NR2F6: variants seen among roughly 807,000 people sequenced by gnomAD.
The protein encoded by NR2F6 is nuclear receptor subfamily 2 group F member 6.
In NR2F6, 16 loss-of-function variants were observed where a neutral mutation model predicts 26.5. The ratio of observed to expected loss-of-function variants is 0.60; its 90% CI spans 0.41 to 0.92. NR2F6 has a LOEUF of 0.92. Ranked by LOEUF, NR2F6 falls within the 40% of genes least tolerant of loss-of-function variation. NR2F6 has a pLI of 0.00. For synonymous variants in NR2F6, 325 were observed against 305.0 expected, an observed-to-expected ratio of 1.07 and a Z score of -0.68; for missense variants, 536 against 631.7, an observed-to-expected ratio of 0.85 and a Z score of 1.62.
In NR2F6 at chr19:17,235,923, C is replaced by A; in HGVS notation, c.516G>T (p.Gln172His). The change falls in exon 3 of 4, where the codon CAG becomes CAT. Residue 172 changes from glutamine to histidine, a missense_variant. Transcript: ENST00000291442. This position sits in a 1 kb window ranked among gnomAD's most constrained non-coding sequence, Gnocchi z 5.0. ...CAGGGTAGGGCTCAGCGCGCAGCAG[C>A]TGCGCGATCAGTTCGGACACCGGCT... is the stretch of plus-strand genomic sequence containing the variant. ...PGQPVSELIA[Q>H]LLRAEPYPAA... is the part of the protein sequence containing the mutation. 1 of 1,480,576 alleles carries A rather than the reference C, an allele frequency of 6.8e-7. No individual in the cohort carries two copies. Among genetic ancestry groups the A allele is most frequent in the Admixed American group, 2.3e-5 (1 of 44,030 alleles). The allele number at this position is 1,480,576 out of a possible 1,614,324, so 91.7% of individuals were successfully genotyped here.
intron 1 of NR2F6, among the ~76,000 whole-genome samples, chr19:17,244,077 C>T (rs2073483059): frequency 6.6e-6 from 1 of 152,324 alleles, no homozygotes; most frequent in East Asian, 1.9e-4. Flanking sequence ...CCCTGGGGAC[C>T]TTCCGCCAGA....
rs2073467766 is a variant in NR2F6, at chr19:17,241,285, C to G, written c.279-520G>C. ...TCTGTGGGGTCATAGCATTGTGGGGCCCCAGCATTATCACCCGCACAATGC... is the reference window on the plus strand; with the variant it reads ...TCTGTGGGGTCATAGCATTGTGGGGGCCCAGCATTATCACCCGCACAATGC... On this transcript the variant is annotated intron_variant, in intron 1 of 3. Coordinates refer to ENST00000291442, the MANE Select transcript of NR2F6 (RefSeq NM_005234.4). Among the ~76,000 whole-genome samples the G allele has an allele frequency of 2.6e-5, 4 of 152,182 alleles. No individual in the cohort carries two copies. In the South Asian group the frequency reaches 8.3e-4, roughly 32 times the overall value.
rs930949194 is a variant in NR2F6 at position 17,245,090 on chromosome 19, G to A, written c.131C>T (p.Pro44Leu). ...SPPGAASDAE[P>L]GDEERPGLQV... ...CAGCCCCGGCCGCTCCTCGTCGCCC[G>A]GCTCGGCGTCGCTGGCGGCACCGGG... Residue 44 changes from proline to leucine, a missense_variant, in exon 1 of 4, where the codon CCG becomes CTG. Pro to Leu is a moderately conservative substitution (Grantham distance 98, BLOSUM62 -3). Coordinates refer to ENST00000291442, the MANE Select transcript of NR2F6 (RefSeq NM_005234.4). The surrounding 1 kb of genome is among the most constrained non-coding windows in gnomAD (Gnocchi z 5.0). 1.7e-5 allele frequency: 27 copies of A among 1,580,366 alleles called. No individual in the cohort carries two copies. Among genetic ancestry groups the A allele is most frequent in the African/African-American group, 2.8e-5 (2 of 72,302 alleles).
chr19:17,239,818 CAAATAA>C (rs906130807), intron 2 of NR2F6, among the ~76,000 whole-genome samples: 8 of 151,264 alleles, frequency 5.3e-5, no homozygotes, highest in Admixed American at 3.3e-4. Flanking sequence ...GACTCCATCT[CAAATAA>C]AAATAAAAAT....
rs1413526913 is a variant in NR2F6, at chr19:17,240,878, A to C, written c.279-113T>G. The C allele has an allele frequency of 4.0e-6, 4 of 1,006,920 alleles. No individual in the cohort carries two copies. In the South Asian group the frequency reaches 6.1e-5, roughly 15 times the overall value. 62.4% of individuals were successfully genotyped at this position (1,006,920 alleles called of 1,614,324 possible). ...TCAGAAATACTAGTAGGGGCCCTCT[A>C]GACTGGAGAGGTAGCCCCAAAGGGG... On this transcript the variant is annotated intron_variant, in intron 1 of 3. Coordinates refer to ENST00000291442, the MANE Select transcript of NR2F6 (RefSeq NM_005234.4).
At position 17,240,680 on chromosome 19, in the gene NR2F6, T is replaced by G. The variant is rs201658217; in HGVS notation, c.364A>C (p.Arg122=). 2.5e-5 allele frequency: 41 copies of G among 1,614,070 alleles called. No individual in the cohort carries two copies. The highest frequency in any genetic ancestry group is 3.4e-5 in the Non-Finnish European group (40 of 1,180,032). ...CCCAGCACGTACTCACCCTCCTTCC[T>G]CATGCCCACCCGGAAGCACTTCTTG... ...RLKKCFRVGM[R]KEAVQRGRIP... The change falls in exon 2 of 4, where the codon AGG becomes CGG. Residue 122 remains arginine, a synonymous_variant. Transcript: ENST00000291442.
At chr19:17,233,498 C>G (rs569961253) in intron 3 of NR2F6, among the ~76,000 whole-genome samples, 2 of 152,006 alleles carry the variant, frequency 1.3e-5, no homozygotes, top group Non-Finnish European at 2.9e-5. Flanking sequence ...GGCAGGGAGA[C>G]AGGTTCTAAT....
chr19:17,232,279 C>G lies in NR2F6; in HGVS notation c.*73G>C, dbSNP rs1003657860. ...GAGTCCTGGGCCCCGGGAGGCCCCT[C>G]GAGGCCTCAGCATTCCCTGTCCCTT... On this transcript the variant is annotated 3_prime_UTR_variant, in exon 4 of 4. Transcript: ENST00000291442. 6.3e-7 allele frequency: 1 copy of G among 1,586,900 alleles called. No individual in the cohort carries two copies. The highest frequency in any genetic ancestry group is 2.2e-5 in the East Asian group (1 of 44,498).
intron 1 of NR2F6, among the ~76,000 whole-genome samples, chr19:17,241,335 A>C (rs1335314653): frequency 2.5e-5 from 2 of 78,728 alleles, no homozygotes; most frequent in African/African-American, 1.1e-4. Context: ...GAGGAAGTAA[A>C]CAAAGTCACT....
intron 1 of NR2F6, among the ~76,000 whole-genome samples, chr19:17,242,976 A>G (rs2073477515): frequency 6.6e-6 from 1 of 151,636 alleles, no homozygotes; most frequent in South Asian, 2.1e-4. Context: ...CTGCTCACAC[A>G]CCCTCTATGG....
At chr19:17,232,845 C>G (rs941029705) in intron 3 of NR2F6, among the ~76,000 whole-genome samples, 4 of 152,138 alleles carry the variant, frequency 2.6e-5, no homozygotes, top group African/African-American at 9.7e-5. Context: ...GATCCCTTCT[C>G]TGCAAAAACA....
intron 3 of NR2F6, 118 bp from the exon 4 acceptor site, chr19:17,232,744 G>A (rs2073415145): frequency 1.6e-6 from 2 of 1,247,532 alleles, no homozygotes; most frequent in Admixed American, 2.9e-5. Context: ...CGGGCATGAT[G>A]GCTCACGGCC....
Position 17,245,178 on chromosome 19 carries a change from T to G in NR2F6, c.43A>C (p.Thr15Pro), listed in dbSNP as rs1043674155. The change falls in exon 1 of 4, where the codon ACG (threonine) becomes CCG (proline). Residue 15 changes from threonine to proline, a missense_variant. Physicochemically the swap from Thr to Pro is conservative, Grantham distance 38. Transcript: ENST00000291442. This position sits in a 1 kb window ranked among gnomAD's most constrained non-coding sequence, Gnocchi z 5.0. ...CCGCCCGCCTTGTCCACGCCGTTCGTGTCGCCGCCGGGGCCGCCCCAGCCG... is the reference window on the plus strand; with the variant it reads ...CCGCCCGCCTTGTCCACGCCGTTCGGGTCGCCGCCGGGGCCGCCCCAGCCG... ...TGGWGGPGGD[T>P]NGVDKAGGYP... 2 of 1,400,464 alleles carry G rather than the reference T, an allele frequency of 1.4e-6. No individual in the cohort carries two copies. Among genetic ancestry groups the G allele is most frequent in the African/African-American group, 3.0e-5 (2 of 65,656 alleles). 86.8% of individuals were successfully genotyped at this position (1,400,464 alleles called of 1,614,324 possible). A position where few individuals can be genotyped will look rare whatever the true frequency, so the allele number is the denominator to read the frequency against.
rs1303604465 is a variant in NR2F6, at chr19:17,235,368, G to A, written c.940+131C>T. The A allele has an allele frequency of 2.7e-6, 4 of 1,458,094 alleles. No individual in the cohort carries two copies. Among genetic ancestry groups the A allele is most frequent in the Non-Finnish European group, 3.6e-6 (4 of 1,111,482 alleles). The allele number at this position is 1,458,094 out of a possible 1,614,324, so 90.3% of individuals were successfully genotyped here. A position where few individuals can be genotyped will look rare whatever the true frequency, so the allele number is the denominator to read the frequency against. ...CAGCCACCCAAGAGCGTTCACTCAC[G>A]GCGCGTGCAGGGCCCCAGGCCTAGG... On this transcript the variant is annotated intron_variant, in intron 3 of 3. Coordinates refer to ENST00000291442, the MANE Select transcript of NR2F6 (RefSeq NM_005234.4). This position sits in a 1 kb window ranked among gnomAD's most constrained non-coding sequence, Gnocchi z 5.0.
chr19:17,239,101 G>A (rs1453045921), intron 2 of NR2F6, among the ~76,000 whole-genome samples: 1 of 152,188 alleles, frequency 6.6e-6, no homozygotes, highest in Non-Finnish European at 1.5e-5. Context: ...CACTTTGGGA[G>A]GCCGAGGCGG....
At chr19:17,236,976 G>C (rs2073442374) in intron 2 of NR2F6, among the ~76,000 whole-genome samples, 1 of 152,256 alleles carries the variant, frequency 6.6e-6, no homozygotes, top group South Asian at 2.1e-4. Context: ...CTTGTGCCGG[G>C]GTGGGCGGGA....
chr19:17,233,084 T>G (rs534381592), intron 3 of NR2F6, among the ~76,000 whole-genome samples: 1 of 151,840 alleles, frequency 6.6e-6, no homozygotes, highest in South Asian at 2.1e-4. Flanking sequence ...GAGGCGGAGG[T>G]TGCAGTGAGC....
At chr19:17,239,655 G>GAAA (rs772505161) in intron 2 of NR2F6, among the ~76,000 whole-genome samples, 1 of 127,304 alleles carries the variant, frequency 7.9e-6, no homozygotes, top group Non-Finnish European at 1.7e-5. Context: ...CTCAGTCTCA[G>GAAA]AAAAAAAAAA....
At chr19:17,233,247 T>C (rs546225357) in intron 3 of NR2F6, among the ~76,000 whole-genome samples, 5 of 151,988 alleles carry the variant, frequency 3.3e-5, no homozygotes, top group Admixed American at 1.3e-4. Flanking sequence ...AGCCTAGGAG[T>C]TTGAGGCTAC....
Sources: gnomAD v4.1 joint callset for allele counts (sites outside exome capture counted in the v4.1 genomes callset) on GRCh38, gnomAD v4.1.1 for gene constraint, Gnocchi (gnomAD v3.1) non-coding constraint, MANE v1.5 for transcripts, NCBI Gene and HGNC (gene_info 2026-07-23, HGNC 2026-07-21) for gene names.